SLC24A3: variants seen among roughly 807,000 people sequenced by gnomAD.
SLC24A3 encodes sodium/potassium/calcium exchanger 3.
SLC24A3 carries 28 observed loss-of-function variants against 75.8 expected under a neutral mutation model. The observed-to-expected ratio is 0.37, with a 90% CI of 0.27 to 0.51. The LOEUF is 0.51. SLC24A3 is among the 20% of genes least tolerant of loss of function. The pLI is 0.94. For missense variants in SLC24A3, 663 were observed against 847.8 expected, an observed-to-expected ratio of 0.78 and a Z score of 2.71; for synonymous variants, 372 against 334.1, an observed-to-expected ratio of 1.11 and a Z score of -1.24.
intron 2 of SLC24A3, among the ~76,000 whole-genome samples, chr20:19,298,003 G>A (rs1984100107): frequency 6.6e-6 from 1 of 152,350 alleles, no homozygotes; most frequent in East Asian, 1.9e-4. Context: ...TGCACATTCA[G>A]CTATGACAGT....
At chr20:19,472,301 G>C (rs1296644783) in intron 2 of SLC24A3, among the ~76,000 whole-genome samples, 2 of 152,232 alleles carry the variant, frequency 1.3e-5, no homozygotes, top group African/African-American at 4.8e-5. Context: ...GTCAACTCTA[G>C]GGGTCCAGTG....
chr20:19,258,383 A>G (rs1229541554), intron 1 of SLC24A3, among the ~76,000 whole-genome samples: 1 of 152,220 alleles, frequency 6.6e-6, no homozygotes, highest in Non-Finnish European at 1.5e-5. Context: ...TTTTTAGATG[A>G]TAATTAGAAA....
chr20:19,342,968 G>A (rs1199716403), intron 2 of SLC24A3, among the ~76,000 whole-genome samples: 2 of 151,182 alleles, frequency 1.3e-5, no homozygotes, highest in Non-Finnish European at 2.9e-5. Flanking sequence ...TACTCGGGAG[G>A]CTGAGGCAGG....
intron 6 of SLC24A3, among the ~76,000 whole-genome samples, chr20:19,612,071 G>A (rs1188033334): frequency 5.3e-5 from 8 of 152,230 alleles, no homozygotes; most frequent in Admixed American, 1.3e-4. Flanking sequence ...CCTTCTGTGC[G>A]CTGATGAGGC....
At chr20:19,437,267 G>C (rs141852062) in intron 2 of SLC24A3, among the ~76,000 whole-genome samples, 1 of 152,058 alleles carries the variant, frequency 6.6e-6, no homozygotes, top group Non-Finnish European at 1.5e-5. Context: ...ATTGAATCAT[G>C]GGGGCAGTTT....
chr20:19,693,131 A>G (rs1241642763), intron 12 of SLC24A3, 128 bp from the exon 13 acceptor site: 5 of 971,048 alleles, frequency 5.1e-6, no homozygotes, highest in East Asian at 2.7e-5. Context: ...TTTTAGAAAA[A>G]GAGCAATATA....
At chr20:19,646,602 A>G (rs1487807884) in intron 6 of SLC24A3, among the ~76,000 whole-genome samples, 1 of 152,176 alleles carries the variant, frequency 6.6e-6, no homozygotes, top group African/African-American at 2.4e-5. Flanking sequence ...CACTTAGGAA[A>G]GTGCACCTGT....
At chr20:19,657,877 T>C (rs2032283285) in intron 7 of SLC24A3, among the ~76,000 whole-genome samples, 2 of 152,218 alleles carry the variant, frequency 1.3e-5, no homozygotes, top group Non-Finnish European at 2.9e-5. Context: ...AATACTAAGT[T>C]TCTCTATAGG....
chr20:19,212,797 C>T lies in SLC24A3; in HGVS notation c.-46C>T, dbSNP rs1424150651. On this transcript the variant is annotated 5_prime_UTR_variant, in exon 1 of 17. Coordinates refer to ENST00000328041, the MANE Select transcript of SLC24A3 (RefSeq NM_020689.4). ...CTGTCCCCGCCGCGGCCGCCCGCGA[C>T]AGGAGCGGCCGCCGCCCGCCGAGGC... The T allele has an allele frequency of 1.2e-5, 12 of 979,078 alleles. No homozygotes were observed. In the Admixed American group the frequency reaches 3.8e-4, roughly 31 times the overall value. The allele number at this position is 979,078 out of a possible 1,614,324, so 60.6% of individuals were successfully genotyped here.
intron 1 of SLC24A3, among the ~76,000 whole-genome samples, chr20:19,237,550 A>G (rs1982200269): frequency 1.3e-5 from 2 of 152,212 alleles, no homozygotes; most frequent in Non-Finnish European, 1.5e-5. Context: ...GCTTGGGTCC[A>G]GTCTCTCTGA....
intron 16 of SLC24A3, among the ~76,000 whole-genome samples, chr20:19,719,768 C>T (rs569790931): frequency 6.6e-6 from 1 of 152,284 alleles, no homozygotes; most frequent in South Asian, 2.1e-4. Flanking sequence ...CAGATTGGGA[C>T]TTGGCTTGAA....
Position 19,685,364 on chromosome 20 carries a change from A to T in SLC24A3, c.1324+3A>T, listed in dbSNP as rs763836873. 1 of 1,612,930 alleles carries T rather than the reference A, an allele frequency of 6.2e-7. No individual in the cohort carries two copies. Among genetic ancestry groups the T allele is most frequent in the African/African-American group, 1.3e-5 (1 of 74,932 alleles). On this transcript the variant is annotated splice_donor_region_variant and intron_variant, in intron 12 of 16. Transcript: ENST00000328041. Reference sequence around the variant, plus strand: ...GTACACACCATTCGACACCCCCTGTAAGAGGTTCTATGTCTGGGCTGGGGT... The same window carrying T: ...GTACACACCATTCGACACCCCCTGTTAGAGGTTCTATGTCTGGGCTGGGGT...
At chr20:19,424,559 T>G (rs978390145) in intron 2 of SLC24A3, among the ~76,000 whole-genome samples, 2 of 151,210 alleles carry the variant, frequency 1.3e-5, no homozygotes, top group Non-Finnish European at 3.0e-5. Flanking sequence ...GTGGTAGTGG[T>G]GTGTGCCTGT....
At chr20:19,479,430 C>T (rs1450049261) in intron 2 of SLC24A3, among the ~76,000 whole-genome samples, 1 of 152,302 alleles carries the variant, frequency 6.6e-6, no homozygotes, top group Middle Eastern at 3.4e-3. Flanking sequence ...TTCTGTTCTC[C>T]CTTCTCGCAG....
intron 2 of SLC24A3, among the ~76,000 whole-genome samples, chr20:19,379,322 G>C (rs1986142403): frequency 6.6e-6 from 1 of 152,178 alleles, no homozygotes; most frequent in African/African-American, 2.4e-5. Flanking sequence ...TCACTCTGGA[G>C]TGGGGTGGTA....
intron 4 of SLC24A3, among the ~76,000 whole-genome samples, chr20:19,583,530 TGA>T (rs2031249729): frequency 6.6e-6 from 1 of 152,006 alleles, no homozygotes; most frequent in East Asian, 1.9e-4. Context: ...TTGCCAGGGC[TGA>T]AGTGAACTGG....
At chr20:19,707,812 C>G (rs573543229) in intron 15 of SLC24A3, among the ~76,000 whole-genome samples, 43 of 152,248 alleles carry the variant, frequency 2.8e-4, no homozygotes, top group African/African-American at 1.0e-3. Flanking sequence ...ACCAAATGTT[C>G]CATTTAGGAC....
intron 1 of SLC24A3, among the ~76,000 whole-genome samples, chr20:19,273,300 C>T (rs916638043): frequency 1.3e-5 from 2 of 152,188 alleles, no homozygotes; most frequent in Admixed American, 1.3e-4. Context: ...TCTCTTTGCC[C>T]TCCCATAGGG....
intron 2 of SLC24A3, among the ~76,000 whole-genome samples, chr20:19,481,666 G>A (rs993671145): frequency 2.6e-5 from 4 of 152,106 alleles, no homozygotes; most frequent in African/African-American, 9.7e-5. Flanking sequence ...ATGTTGGCAG[G>A]ACAGCTGGGG....
Sources: gnomAD v4.1 joint callset for allele counts (sites outside exome capture counted in the v4.1 genomes callset) on GRCh38, gnomAD v4.1.1 for gene constraint, MANE v1.5 for transcripts, NCBI Gene and HGNC (gene_info 2026-07-23, HGNC 2026-07-21) for gene names.